Variants in FRYL observed in about 807,000 individuals in gnomAD.
The protein encoded by FRYL is protein furry homolog-like.
FRYL carries 150 observed loss-of-function variants against 351.2 expected under a neutral mutation model. The ratio of observed to expected loss-of-function variants is 0.43; its 90% CI spans 0.37 to 0.49. The LOEUF is 0.49. FRYL is among the 20% of genes least tolerant of loss of function. FRYL has a pLI of 0.00. For missense variants in FRYL, 3,036 were observed against 3,619.3 expected (o/e 0.84, Z 4.13); for synonymous variants, 1,153 against 1,257.1 (o/e 0.92, Z 1.75).
intron 53 of FRYL, among the ~76,000 whole-genome samples, chr4:48,524,622 G>A (rs10938534): frequency 0.51 from 77,600 of 151,828 alleles, 20,235 homozygotes; most frequent in South Asian, 0.61. Context: ...CTGATTTGGC[G>A]TAATTATGAG....
intron 3 of FRYL, among the ~76,000 whole-genome samples, chr4:48,672,081 A>G (rs1463779703): frequency 6.6e-6 from 1 of 152,220 alleles, no homozygotes; most frequent in Non-Finnish European, 1.5e-5. Context: ...ATAAAAATCA[A>G]GAAGTCTTTG....
intron 13 of FRYL, among the ~76,000 whole-genome samples, chr4:48,597,898 C>T (rs192610521): frequency 2.0e-4 from 31 of 152,184 alleles, no homozygotes; most frequent in Admixed American, 9.8e-4. Context: ...TGCTATATGT[C>T]TGAATAATAA....
At chr4:48,662,438 AT>A (rs1760933223) in intron 3 of FRYL, among the ~76,000 whole-genome samples, 1 of 152,108 alleles carries the variant, frequency 6.6e-6, no homozygotes, top group African/African-American at 2.4e-5. Flanking sequence ...TAACAATAAT[AT>A]TTTTTAAATA....
At chr4:48,608,619 A>G (rs1747355168) in intron 9 of FRYL, among the ~76,000 whole-genome samples, 1 of 152,206 alleles carries the variant, frequency 6.6e-6, no homozygotes, top group African/African-American at 2.4e-5. Flanking sequence ...AAAACACTGC[A>G]TTGCTGAGGA....
chr4:48,732,068 T>C (rs540581742), intron 1 of FRYL, among the ~76,000 whole-genome samples: 14 of 151,934 alleles, frequency 9.2e-5, no homozygotes, highest in African/African-American at 2.4e-4. Flanking sequence ...AGAACTTAAA[T>C]AAATTTACAA....
At chr4:48,623,734 A>AT (rs917220877) in intron 4 of FRYL, among the ~76,000 whole-genome samples, 2 of 152,148 alleles carry the variant, frequency 1.3e-5, no homozygotes, top group African/African-American at 2.4e-5. Flanking sequence ...CAATATGCCT[A>AT]TTCTGTTTAA....
At chr4:48,747,158 C>T (rs1371517724) in intron 1 of FRYL, among the ~76,000 whole-genome samples, 1 of 29,522 alleles carries the variant, frequency 3.4e-5, no homozygotes, top group Admixed American at 3.8e-4. Context: ...ATATATTTCC[C>T]CTATCCCCCC....
chr4:48,595,863 T>A, intron 14 of FRYL, 34 bp downstream of exon 14: 3 of 1,384,828 alleles, frequency 2.2e-6, no homozygotes, highest in Non-Finnish European at 3.0e-6. Flanking sequence ...AACAAGAATT[T>A]ATTTTTAATG....
At chr4:48,566,128 C>T (rs1265576710) in intron 28 of FRYL, among the ~76,000 whole-genome samples, 3 of 150,170 alleles carry the variant, frequency 2.0e-5, no homozygotes, top group Non-Finnish European at 4.4e-5. Flanking sequence ...TTTTTTTTTT[C>T]AGCAGGAAAG....
Position 48,553,240 on chromosome 4 carries a change from G to T in FRYL, c.4410C>A (p.Ser1470Arg). 1 of 1,612,644 alleles carries T rather than the reference G, an allele frequency of 6.2e-7. No homozygotes were observed. The highest frequency in any genetic ancestry group is 1.7e-5 in the Admixed American group (1 of 59,682). ...DNPPYYRITS[S>R]YKIPSVTSGT... ...CTGAGGTGACAGAAGGGATTTTATA[G>T]CTGGAAGTGATGCGATAATACGGGG... Residue 1470 changes from serine (S) to arginine (R), a missense_variant, in exon 36 of 64, where the codon AGC (serine) becomes AGA (arginine). Coordinates refer to ENST00000358350, the MANE Select transcript of FRYL (RefSeq NM_015030.2).
At position 48,582,524 on chromosome 4, in the gene FRYL, T is replaced by C. The variant is rs375997422; in HGVS notation, c.1959A>G (p.Gln653=). Residue 653 remains glutamine, a synonymous_variant, in exon 20 of 64, where the codon CAA becomes CAG. Transcript: ENST00000358350. The part of the protein sequence containing the change: ...QLINQWKQAA[Q]MHNKNQDTQH... ...GAGTGTCCTGGTTTTTATTATGCATTTGGGCTGCTTGTTTCCACTGATTTA... is the reference window on the plus strand; with the variant it reads ...GAGTGTCCTGGTTTTTATTATGCATCTGGGCTGCTTGTTTCCACTGATTTA... The C allele has an allele frequency of 5.0e-6, 8 of 1,613,568 alleles. No individual in the cohort carries two copies. The highest frequency in any genetic ancestry group is 6.8e-6 in the Non-Finnish European group (8 of 1,179,600).
intron 2 of FRYL, among the ~76,000 whole-genome samples, chr4:48,702,410 T>C (rs1300816692): frequency 8.1e-6 from 1 of 122,982 alleles, no homozygotes; most frequent in Non-Finnish European, 1.6e-5. Context: ...GAGTCGAGAA[T>C]GTGCCACTAT....
chr4:48,537,752 A>G (rs1341717569), intron 47 of FRYL, among the ~76,000 whole-genome samples: 1 of 152,150 alleles, frequency 6.6e-6, no homozygotes, highest in Non-Finnish European at 1.5e-5. Flanking sequence ...TGTGGTCACG[A>G]TATCAGCAGC....
intron 36 of FRYL, among the ~76,000 whole-genome samples, chr4:48,552,254 TG>T (rs1733002124): frequency 2.4e-5 from 3 of 125,730 alleles, no homozygotes; most frequent in African/African-American, 7.8e-5. Context: ...GGTGTGTGTG[TG>T]TGTGTGTGTG....
At chr4:48,671,877 A>C (rs1762800413) in intron 3 of FRYL, among the ~76,000 whole-genome samples, 3 of 147,298 alleles carry the variant, frequency 2.0e-5, no homozygotes, top group South Asian at 2.2e-4. Context: ...AAAAAACAAA[A>C]AAAAAAAAAA....
intron 23 of FRYL, among the ~76,000 whole-genome samples, chr4:48,578,410 T>G (rs1463199531): frequency 6.6e-6 from 1 of 152,194 alleles, no homozygotes; most frequent in Non-Finnish European, 1.5e-5. Flanking sequence ...AATTCTCCTC[T>G]GTATTTAAGA....
At position 48,692,516 on chromosome 4, in the gene FRYL, C is replaced by T. The variant is rs1442073718; in HGVS notation, c.-203-7721G>A. The stretch of plus-strand genomic sequence containing the variant: ...CAAGTGATTCTCCTGCCTCAGCCTC[C>T]TGAGTAGCTGGGGCTACAGGCACAT... On this transcript the variant is annotated intron_variant, in intron 2 of 63. Transcript: ENST00000358350. 2.6e-5 allele frequency among the ~76,000 whole-genome samples: 4 copies of T among 152,162 alleles called. No individual in the cohort carries two copies. The East Asian group carries it at 7.7e-4, about 29-fold the overall frequency.
At chr4:48,665,974 A>G (rs1761650187) in intron 3 of FRYL, among the ~76,000 whole-genome samples, 1 of 152,242 alleles carries the variant, frequency 6.6e-6, no homozygotes, top group Admixed American at 6.5e-5. Context: ...CACAGAGGTG[A>G]GTCAGCAAGG....
chr4:48,533,268 T>G lies in FRYL; in HGVS notation c.6705+1277A>C, dbSNP rs1288797134. 2.8e-5 allele frequency among the ~76,000 whole-genome samples: 4 copies of G among 144,934 alleles called. No individual in the cohort carries two copies. In the East Asian group the frequency reaches 7.9e-4, roughly 29 times the overall value. On this transcript the variant is annotated intron_variant, in intron 49 of 63. Coordinates refer to ENST00000358350, the MANE Select transcript of FRYL (RefSeq NM_015030.2). Reference sequence around the variant, plus strand: ...TGAAATATAGCAAATATTTTATAAGTTTTTTTTTTTTAAGGCTTAAGAAGA... The same window carrying G: ...TGAAATATAGCAAATATTTTATAAGGTTTTTTTTTTTAAGGCTTAAGAAGA...
Sources: gnomAD v4.1 joint callset for allele counts (sites outside exome capture counted in the v4.1 genomes callset) on GRCh38, gnomAD v4.1.1 for gene constraint, MANE v1.5 for transcripts, NCBI Gene and HGNC (gene_info 2026-07-23, HGNC 2026-07-21) for gene names.